B4GALNT3: variants seen among roughly 807,000 people sequenced by gnomAD.
The protein encoded by B4GALNT3 is beta-1,4-N-acetyl-galactosaminyltransferase 3, also known as beta-1,4-N-acetylgalactosaminyltransferase 3.
In B4GALNT3, 86 loss-of-function variants were observed where a neutral mutation model predicts 120.2. The ratio of observed to expected loss-of-function variants is 0.72; its 90% CI spans 0.60 to 0.86. The LOEUF (loss-of-function observed/expected upper bound fraction) is 0.86, where lower values mean the gene tolerates loss of function less well. B4GALNT3 is among the 40% of genes least tolerant of loss of function. The pLI is 0.00. For missense variants in B4GALNT3, 1,167 were observed against 1,298.9 expected (o/e 0.90, Z 1.56); for synonymous variants, 518 against 510.4 (o/e 1.01, Z -0.20).
intron 6 of B4GALNT3, 84 bp from the exon 7 acceptor site, chr12:546,562 C>T: frequency 8.0e-7 from 1 of 1,244,168 alleles, no homozygotes. Context: ...CTTCTTGGTT[C>T]TCCTTCCTGG....
intron 12 of B4GALNT3, 106 bp from the exon 13 acceptor site, chr12:552,361 C>T: frequency 8.3e-7 from 1 of 1,203,252 alleles, no homozygotes; most frequent in Non-Finnish European, 1.2e-6. Flanking sequence ...CCTTCCTCCA[C>T]TCTAGTCTGG....
intron 1 of B4GALNT3, among the ~76,000 whole-genome samples, chr12:463,906 A>G (rs952948240): frequency 6.6e-6 from 1 of 152,236 alleles, no homozygotes; most frequent in Admixed American, 6.5e-5. Context: ...GACCTTAAAG[A>G]GTGGCATTTA....
intron 13 of B4GALNT3, chr12:552,945 G>T: frequency 1.8e-6 from 1 of 557,988 alleles, no homozygotes; most frequent in South Asian, 2.3e-5. Flanking sequence ...ATGTGATGCC[G>T]TTTATCTCAC....
At chr12:514,456 C>G (rs1379941222) in intron 1 of B4GALNT3, among the ~76,000 whole-genome samples, 1 of 152,000 alleles carries the variant, frequency 6.6e-6, no homozygotes, top group Non-Finnish European at 1.5e-5. Context: ...CTCGGCCTCC[C>G]AAAGTGCTGG....
chr12:511,350 TCCA>T (rs1946553028), intron 1 of B4GALNT3, among the ~76,000 whole-genome samples: 1 of 88,808 alleles, frequency 1.1e-5, no homozygotes, highest in East Asian at 3.2e-4. Context: ...CCTTCCACCT[TCCA>T]CCTTCCACCT....
chr12:480,486 T>TTACTGAGG (rs1946230478), intron 1 of B4GALNT3, among the ~76,000 whole-genome samples: 1 of 152,240 alleles, frequency 6.6e-6, no homozygotes, highest in Non-Finnish European at 1.5e-5. Flanking sequence ...GACGGCCTGG[T>TTACTGAGG]TCCTGAGGTC....
At chr12:549,671 A>G in intron 9 of B4GALNT3, 98 bp from the exon 10 acceptor site, 2 of 1,482,044 alleles carry the variant, frequency 1.3e-6, no homozygotes, top group Admixed American at 1.7e-5. Flanking sequence ...CGCTGGAGTC[A>G]GGAGCCCCTT....
At chr12:538,381 A>T (rs1946881835) in intron 3 of B4GALNT3, among the ~76,000 whole-genome samples, 1 of 151,532 alleles carries the variant, frequency 6.6e-6, no homozygotes, top group Non-Finnish European at 1.5e-5. Flanking sequence ...ACATGGTGAG[A>T]CCTTGTCTCT....
intron 1 of B4GALNT3, among the ~76,000 whole-genome samples, chr12:512,616 T>A (rs1446774510): frequency 3.7e-5 from 5 of 135,648 alleles, no homozygotes; most frequent in African/African-American, 1.4e-4. Flanking sequence ...ACCTTCCACC[T>A]TCCGCCTTCC....
At chr12:483,706 A>T (rs1001769712) in intron 1 of B4GALNT3, among the ~76,000 whole-genome samples, 1 of 152,160 alleles carries the variant, frequency 6.6e-6, no homozygotes, top group Admixed American at 6.5e-5. Context: ...CCCCACAATA[A>T]ATAGTAGCCC....
intron 1 of B4GALNT3, among the ~76,000 whole-genome samples, chr12:531,100 C>T (rs1946802243): frequency 6.6e-6 from 1 of 152,226 alleles, no homozygotes; most frequent in Admixed American, 6.5e-5. Flanking sequence ...TTCAGCTCCA[C>T]ATTCCCCCAG....
chr12:512,522 G>A (rs552193219), intron 1 of B4GALNT3, among the ~76,000 whole-genome samples: 3 of 67,718 alleles, frequency 4.4e-5, no homozygotes, highest in Admixed American at 1.9e-4. Flanking sequence ...TTCCACCTTC[G>A]ACCTTCTTCC....
intron 1 of B4GALNT3, among the ~76,000 whole-genome samples, chr12:505,139 G>A (rs1276404515): frequency 2.6e-5 from 4 of 152,292 alleles, no homozygotes; most frequent in Admixed American, 1.3e-4. Context: ...TGATCTGCCT[G>A]CCTTGGCCTC....
chr12:541,678 T>C (rs1174554714), intron 3 of B4GALNT3, among the ~76,000 whole-genome samples: 1 of 152,158 alleles, frequency 6.6e-6, no homozygotes, highest in Non-Finnish European at 1.5e-5. Flanking sequence ...GGCCTGGGCT[T>C]AGCCAGGTAG....
rs1299080810 is a variant in B4GALNT3 at position 512,314 on chromosome 12, C to T, written c.170-22852C>T. ...ACCTTCTTCCACCTTCCACCTTCTT[C>T]CACCTTCCACCTTCCACCTTCCTTC... is the stretch of plus-strand genomic sequence containing the variant. On this transcript the variant is annotated intron_variant, in intron 1 of 19. Transcript: ENST00000266383. 2.2e-5 allele frequency among the ~76,000 whole-genome samples: 3 copies of T among 137,130 alleles called. No individual in the cohort carries two copies. The East Asian group carries it at 7.1e-4, about 32-fold the overall frequency. 90.0% of individuals were successfully genotyped at this position (137,130 alleles called of 152,430 possible).
At chr12:532,809 A>G (rs1160933078) in intron 1 of B4GALNT3, among the ~76,000 whole-genome samples, 1 of 152,180 alleles carries the variant, frequency 6.6e-6, no homozygotes, top group East Asian at 1.9e-4. Context: ...TTCCCAGCAG[A>G]TGCCAGGACA....
intron 1 of B4GALNT3, among the ~76,000 whole-genome samples, chr12:473,893 C>G (rs533833302): frequency 5.4e-4 from 82 of 152,150 alleles, no homozygotes; most frequent in South Asian, 1.0e-3. Context: ...GAAAAAGAAG[C>G]AATAATCGCA....
intron 6 of B4GALNT3, among the ~76,000 whole-genome samples, chr12:546,153 GGA>G (rs1219665625): frequency 1.1e-4 from 16 of 141,114 alleles, no homozygotes; most frequent in African/African-American, 3.8e-4. Context: ...AGAGGGAAGA[GGA>G]GGGGGGAATG....
At chr12:463,336 A>C (rs1228083313) in intron 1 of B4GALNT3, among the ~76,000 whole-genome samples, 1 of 152,210 alleles carries the variant, frequency 6.6e-6, no homozygotes, top group African/African-American at 2.4e-5. Context: ...ATGATGTGCA[A>C]TTTGGTTCCA....
Sources: allele counts gnomAD v4.1 joint callset (sites outside exome capture counted in the v4.1 genomes callset), GRCh38; gene constraint gnomAD v4.1.1; transcripts MANE v1.5; gene names NCBI Gene and HGNC (gene_info 2026-07-23, HGNC 2026-07-21).